Variants in RFX4 observed in about 807,000 individuals in gnomAD.
The protein encoded by RFX4 is transcription factor RFX4.
RFX4 carries 10 observed loss-of-function variants against 95.0 expected under a neutral mutation model. The ratio of observed to expected loss-of-function variants is 0.11; its 90% CI spans 0.06 to 0.18. The LOEUF (loss-of-function observed/expected upper bound fraction) is 0.18. Ranked by LOEUF, RFX4 falls within the 10% of genes least tolerant of loss-of-function variation. RFX4 has a pLI of 1.00. For missense variants in RFX4, 640 were observed against 922.0 expected (o/e 0.69, Z 3.96); for synonymous variants, 321 against 340.7 (o/e 0.94, Z 0.64).
chr12:106,649,700 A>C (rs1209826107), intron 3 of RFX4, among the ~76,000 whole-genome samples: 1 of 152,196 alleles, frequency 6.6e-6, no homozygotes, highest in Non-Finnish European at 1.5e-5. Context: ...AGGCACAAGG[A>C]GCTTAAATAA....
intron 2 of RFX4, among the ~76,000 whole-genome samples, chr12:106,618,941 T>G (rs1224879034): frequency 6.6e-6 from 1 of 152,136 alleles, no homozygotes; most frequent in Non-Finnish European, 1.5e-5. Flanking sequence ...CAATATGCAT[T>G]TTTGCATTCT....
At chr12:106,613,176 G>C (rs2039996548) in intron 2 of RFX4, among the ~76,000 whole-genome samples, 1 of 150,812 alleles carries the variant, frequency 6.6e-6, no homozygotes. Context: ...AGATGGTTAT[G>C]TAGTTTTCCT....
At chr12:106,600,664 G>A (rs1425430158) in intron 1 of RFX4, among the ~76,000 whole-genome samples, 1 of 152,084 alleles carries the variant, frequency 6.6e-6, no homozygotes, top group Non-Finnish European at 1.5e-5. Flanking sequence ...TAAATGTGAA[G>A]TTCCTAGGAG....
intron 5 of RFX4, chr12:106,682,820 T>G (rs994963927): frequency 6.6e-6 from 1 of 152,224 alleles, no homozygotes; most frequent in Non-Finnish European, 1.5e-5. Flanking sequence ...GAAGGGAATC[T>G]CTTCCTGTAC....
At position 106,583,324 on chromosome 12, in the gene RFX4, C is replaced by T; in HGVS notation, c.4C>T (p.His2Tyr). 1 of 1,587,670 alleles carries T rather than the reference C, an allele frequency of 6.3e-7. No homozygotes were observed. Among genetic ancestry groups the T allele is most frequent in the Non-Finnish European group, 8.5e-7 (1 of 1,170,854 alleles). ...CTGTGCTGTCCATGGGAAGAGCATG[C>T]ATTGTGGGTTACTGGAGGAACCCGA... The part of the protein sequence containing the change: M[H>Y]CGLLEEPDMD... The change falls in exon 1 of 18, where the codon CAT becomes TAT. Residue 2 changes from histidine (H) to tyrosine (Y), a missense_variant. This residue lies in a region of RFX4 where 63 missense variants were observed against 68.8 expected (regional missense o/e 0.92). Transcript: ENST00000392842.
intron 1 of RFX4, among the ~76,000 whole-genome samples, chr12:106,588,503 T>G (rs2039494809): frequency 6.6e-6 from 1 of 152,220 alleles, no homozygotes; most frequent in East Asian, 1.9e-4. Flanking sequence ...CTCAAGTTTT[T>G]GGGAAGAAGT....
intron 2 of RFX4, among the ~76,000 whole-genome samples, chr12:106,614,927 TCTC>T (rs2040043977): frequency 6.6e-6 from 1 of 152,202 alleles, no homozygotes; most frequent in African/African-American, 2.4e-5. Context: ...ACAAATATCT[TCTC>T]CTGGTTTGTG....
rs185821730 is a variant in RFX4 at position 106,698,732 on chromosome 12, T to G, written c.833+2286T>G. The stretch of plus-strand genomic sequence containing the variant: ...TTTAATTCATAATATTTTCTTATTA[T>G]CCTTTTAATATCTGTAGGCTCTGTA... On this transcript the variant is annotated intron_variant, in intron 8 of 17. Transcript: ENST00000392842. 2.8e-3 allele frequency among the ~76,000 whole-genome samples: 423 copies of G among 152,106 alleles called. 1 individual carries two copies. Among genetic ancestry groups the G allele is most frequent in the African/African-American group, 9.3e-3 (387 of 41,506 alleles).
intron 4 of RFX4, among the ~76,000 whole-genome samples, chr12:106,675,314 G>A (rs1020985134): frequency 2.0e-5 from 3 of 151,952 alleles, no homozygotes; most frequent in Non-Finnish European, 2.9e-5. Context: ...GCCTGTAATC[G>A]CAGCTACTCA....
Position 106,683,466 on chromosome 12 carries a change from G to GGA in RFX4, c.377+1412_377+1413insGA, listed in dbSNP as rs2041564209. The GGA allele has an allele frequency of 1.4e-4, 7 of 50,816 alleles. 1 individual carries two copies. The highest frequency in any genetic ancestry group is 7.6e-4 in the Admixed American group (2 of 2,644). 3.1% of individuals were successfully genotyped at this position (50,816 alleles called of 1,614,324 possible). On this transcript the variant is annotated intron_variant, in intron 5 of 17. Coordinates refer to ENST00000392842, the MANE Select transcript of RFX4 (RefSeq NM_213594.3). ...AATAATTTTCCAAGATGACTATTCTGAAAAAAAAAAAAAAAAAAAAAAAAA... is the reference window on the plus strand; with the variant it reads ...AATAATTTTCCAAGATGACTATTCTGGAAAAAAAAAAAAAAAAAAAAAAAAAA...
rs144326785 is a variant in RFX4 at position 106,625,573 on chromosome 12, G to T, written c.131-13759G>T. Among the ~76,000 whole-genome samples, 931 of 152,306 alleles carry T rather than the reference G, an allele frequency of 6.1e-3. 6 individuals carry two copies. Among genetic ancestry groups the T allele is most frequent in the Non-Finnish European group, 9.6e-3 (656 of 68,028 alleles). ...GACTGTAAAATATTAAAAAGTCCGT[G>T]ACTGTTGGAGCATCATATACAGAGA... is the stretch of plus-strand genomic sequence containing the variant. On this transcript the variant is annotated intron_variant, in intron 2 of 17. Transcript: ENST00000392842.
At chr12:106,739,161 G>C (rs904405912) in intron 15 of RFX4, among the ~76,000 whole-genome samples, 19 of 112,114 alleles carry the variant, frequency 1.7e-4, no homozygotes, top group African/African-American at 5.5e-4. Flanking sequence ...GAAAAGGTGA[G>C]GAAAATTAAA....
chr12:106,753,309 T>C (rs2043045505), intron 17 of RFX4, among the ~76,000 whole-genome samples: 1 of 152,160 alleles, frequency 6.6e-6, no homozygotes, highest in African/African-American at 2.4e-5. Flanking sequence ...TTCCCCAGTC[T>C]CTTCGGCTGG....
intron 2 of RFX4, among the ~76,000 whole-genome samples, chr12:106,612,325 C>T (rs965595864): frequency 6.6e-6 from 1 of 152,120 alleles, no homozygotes; most frequent in Non-Finnish European, 1.5e-5. Flanking sequence ...TGTTTTGCTT[C>T]CTTGGTTAAA....
At chr12:106,645,496 C>T (rs904218688) in intron 3 of RFX4, among the ~76,000 whole-genome samples, 5 of 151,192 alleles carry the variant, frequency 3.3e-5, no homozygotes, top group African/African-American at 4.9e-5. Context: ...TTGTCACTTT[C>T]GGGGGGGATT....
chr12:106,730,212 G>A (rs1213210453), intron 13 of RFX4, among the ~76,000 whole-genome samples: 1 of 152,192 alleles, frequency 6.6e-6, no homozygotes, highest in Non-Finnish European at 1.5e-5. Flanking sequence ...GATGAAGGGT[G>A]TGGGTGTATA....
chr12:106,725,109 T>G (rs949554473), intron 13 of RFX4, among the ~76,000 whole-genome samples: 1 of 152,198 alleles, frequency 6.6e-6, no homozygotes, highest in African/African-American at 2.4e-5. Flanking sequence ...TACCTAGGCT[T>G]AATGGCTTTA....
chr12:106,585,894 GGGCCAGGGCTCTAGT>G (rs1457932641), intron 1 of RFX4: 1 of 152,202 alleles, frequency 6.6e-6, no homozygotes, highest in Non-Finnish European at 1.5e-5. Context: ...AGTTTTGCAG[GGGCCAGGGCTCTAGT>G]GGCCTGCTTT....
intron 11 of RFX4, among the ~76,000 whole-genome samples, chr12:106,718,836 C>CGTG (rs1217962769): frequency 6.6e-6 from 1 of 151,806 alleles, no homozygotes; most frequent in African/African-American, 2.4e-5. Flanking sequence ...TCCAGCCGGG[C>CGTG]GTGGTGGTGC....
Sources: allele counts gnomAD v4.1 joint callset (sites outside exome capture counted in the v4.1 genomes callset), GRCh38; gene constraint gnomAD v4.1.1; regional missense constraint gnomAD v4.1.1; transcripts MANE v1.5; gene names NCBI Gene and HGNC (gene_info 2026-07-23, HGNC 2026-07-21).